The following LYN variants were observed in gnomAD, a reference collection of about 807,000 sequenced individuals.
The protein encoded by LYN is tyrosine-protein kinase Lyn.
A neutral mutation model predicts 65.0 loss-of-function variants in LYN; 12 were observed. The observed-to-expected ratio is 0.18, with a 90% CI of 0.12 to 0.30. LYN has a LOEUF of 0.30. Among genes scored for constraint, LYN ranks in the 10% least tolerant of loss-of-function variants. The pLI, the probability that LYN is intolerant of heterozygous loss-of-function variation, is 1.00. For synonymous variants in LYN, 222 were observed against 221.2 expected (o/e 1.00, Z -0.03); for missense variants, 380 against 623.2 (o/e 0.61, Z 4.16).
At chr8:55,959,244 AC>A (rs1807207058) in intron 8 of LYN, among the ~76,000 whole-genome samples, 1 of 152,186 alleles carries the variant, frequency 6.6e-6, no homozygotes, top group South Asian at 2.1e-4. Flanking sequence ...ATAATTAGTG[AC>A]CAAGCATCTT....
chr8:55,924,265 G>A (rs1485083311), intron 1 of LYN, among the ~76,000 whole-genome samples: 2 of 152,028 alleles, frequency 1.3e-5, no homozygotes, highest in South Asian at 2.1e-4. Flanking sequence ...CCATGGCACC[G>A]GGAGGGCCTC....
chr8:56,012,135 G>T lies in LYN; in HGVS notation c.*2025G>T, dbSNP rs1808836783. The T allele has an allele frequency of 5.2e-6, 1 of 191,040 alleles. No homozygotes were observed. Among genetic ancestry groups the T allele is most frequent in the Non-Finnish European group, 1.1e-5 (1 of 91,308 alleles). 11.8% of individuals were successfully genotyped at this position (191,040 alleles called of 1,614,324 possible). A position where few individuals can be genotyped will look rare whatever the true frequency, so the allele number is the denominator to read the frequency against. The stretch of plus-strand genomic sequence containing the variant: ...CTCCATGTGGGCCCTTCACCAGCTT[G>T]GGCCTCATCTCTGGTGTCCAGCATG... On this transcript the variant is annotated 3_prime_UTR_variant, in exon 13 of 13. Coordinates refer to ENST00000519728, the MANE Select transcript of LYN (RefSeq NM_002350.4).
chr8:55,976,144 A>G (rs988164041), intron 10 of LYN, among the ~76,000 whole-genome samples: 2 of 151,990 alleles, frequency 1.3e-5, no homozygotes, highest in Non-Finnish European at 2.9e-5. Flanking sequence ...CCAGCTGGTC[A>G]CAGTTGAAAA....
At chr8:55,939,001 G>C (rs777525026) in intron 1 of LYN, among the ~76,000 whole-genome samples, 1 of 152,216 alleles carries the variant, frequency 6.6e-6, no homozygotes, top group Non-Finnish European at 1.5e-5. Context: ...ATGTGTAATA[G>C]AAGAATACTA....
At chr8:55,907,474 G>C (rs1226739564) in intron 1 of LYN, among the ~76,000 whole-genome samples, 1 of 152,212 alleles carries the variant, frequency 6.6e-6, no homozygotes, top group South Asian at 2.1e-4. Context: ...TCTGTGTCTG[G>C]TTTTGGAAGG....
intron 5 of LYN, 52 bp from the exon 6 acceptor site, chr8:55,950,628 CT>C: frequency 6.3e-7 from 1 of 1,574,826 alleles, no homozygotes; most frequent in Non-Finnish European, 8.7e-7. Context: ...TATTCTTCAC[CT>C]TTTTCTTGCC....
chr8:55,926,758 A>C (rs1806119839), intron 1 of LYN, among the ~76,000 whole-genome samples: 1 of 152,208 alleles, frequency 6.6e-6, no homozygotes, highest in African/African-American at 2.4e-5. Flanking sequence ...AAAATGGAGG[A>C]TCCCTTTTCA....
chr8:55,950,498 A>G lies in LYN; in HGVS notation c.324A>G (p.Lys108=), dbSNP rs776276450. The stretch of plus-strand genomic sequence containing the variant: ...GGAAAGCAAAGTCCCTTTTAACAAA[A>G]AAAGAAGGCTTCATCCCCAGCAACT... ...EWWKAKSLLT[K]KEGFIPSNYV... is the part of the protein sequence containing the mutation. Residue 108 remains lysine (K), a synonymous_variant, in exon 5 of 13, where the codon AAA becomes AAG. Coordinates refer to ENST00000519728, the MANE Select transcript of LYN (RefSeq NM_002350.4). 128 of 1,613,570 alleles carry G rather than the reference A, an allele frequency of 7.9e-5. No individual in the cohort carries two copies. Among genetic ancestry groups the G allele is most frequent in the Non-Finnish European group, 9.5e-5 (112 of 1,179,910 alleles).
chr8:55,964,702 C>T (rs964550889), intron 8 of LYN, among the ~76,000 whole-genome samples: 2 of 152,048 alleles, frequency 1.3e-5, no homozygotes, highest in East Asian at 3.9e-4. Flanking sequence ...CCCTGTCTCT[C>T]CTGGAAAAAA....
intron 3 of LYN, 105 bp from the exon 4 acceptor site, chr8:55,947,513 G>A: frequency 1.3e-6 from 1 of 777,014 alleles, no homozygotes; most frequent in South Asian, 1.5e-5. Context: ...CCTTCTTCCA[G>A]TTGCCCCCTC....
At chr8:55,906,764 A>G (rs1724720070) in intron 1 of LYN, among the ~76,000 whole-genome samples, 1 of 152,190 alleles carries the variant, frequency 6.6e-6, no homozygotes, top group Admixed American at 6.5e-5. Flanking sequence ...AGAGAGAAAT[A>G]AATGAAATGT....
chr8:55,969,678 T>A, intron 9 of LYN, 39 bp from the exon 10 acceptor site: 1 of 1,450,202 alleles, frequency 6.9e-7, no homozygotes, highest in Middle Eastern at 1.7e-4. Context: ...TTTTCTTGTG[T>A]GTTTGGAATG....
At chr8:55,997,909 C>G (rs1413970476) in intron 10 of LYN, among the ~76,000 whole-genome samples, 1 of 151,842 alleles carries the variant, frequency 6.6e-6, no homozygotes, top group Non-Finnish European at 1.5e-5. Flanking sequence ...ATGGTGAAAC[C>G]CCGTCTCTAC....
chr8:55,959,451 G>A (rs1271729141), intron 8 of LYN, among the ~76,000 whole-genome samples: 3 of 152,180 alleles, frequency 2.0e-5, no homozygotes, highest in Non-Finnish European at 2.9e-5. Flanking sequence ...AAGAAATTGT[G>A]CAGGTAAGTT....
intron 12 of LYN, among the ~76,000 whole-genome samples, chr8:56,009,451 T>G (rs1808756743): frequency 6.6e-6 from 1 of 152,178 alleles, no homozygotes; most frequent in Non-Finnish European, 1.5e-5. Flanking sequence ...CAACAGACGT[T>G]TATTTTTCCG....
intron 12 of LYN, among the ~76,000 whole-genome samples, chr8:56,007,573 C>T (rs1808705433): frequency 6.6e-6 from 1 of 152,166 alleles, no homozygotes; most frequent in South Asian, 2.1e-4. Context: ...AAAACAAGGG[C>T]TCTTCCACGA....
intron 1 of LYN, among the ~76,000 whole-genome samples, chr8:55,926,879 A>G (rs1345633239): frequency 1.3e-5 from 2 of 152,216 alleles, no homozygotes; most frequent in Non-Finnish European, 2.9e-5. Context: ...TCTGTTTTTT[A>G]CTGCTCCTTG....
At position 55,890,117 on chromosome 8, in the gene LYN, CAAAAA is replaced by C. The variant is rs34706733; in HGVS notation, c.-6+10031_-6+10035del. Among the ~76,000 whole-genome samples, 725 of 79,094 alleles carry C rather than the reference CAAAAA, an allele frequency of 9.2e-3. 6 individuals carry two copies. Among genetic ancestry groups the C allele is most frequent in the African/African-American group, 0.037 (684 of 18,262 alleles). 51.9% of individuals were successfully genotyped at this position (79,094 alleles called of 152,430 possible). On this transcript the variant is annotated intron_variant, in intron 1 of 12. Coordinates refer to ENST00000519728, the MANE Select transcript of LYN (RefSeq NM_002350.4). ...TAAAGTGAGAACCTGCCTCTATAGA[CAAAAA>C]AAAAAAAAAAAAAAAAGAATAAATA...
intron 10 of LYN, 122 bp from the exon 11 acceptor site, chr8:55,998,224 G>T: frequency 3.0e-6 from 2 of 670,820 alleles, no homozygotes; most frequent in South Asian, 2.4e-5. Context: ...TTTAAAAGCT[G>T]AATGATCAAA....
Sources: allele counts gnomAD v4.1 joint callset (sites outside exome capture counted in the v4.1 genomes callset), GRCh38; gene constraint gnomAD v4.1.1; transcripts MANE v1.5; gene names NCBI Gene and HGNC (gene_info 2026-07-23, HGNC 2026-07-21).